Variants in AFAP1 observed in about 807,000 individuals in gnomAD.
AFAP1 encodes the protein actin filament-associated protein 1.
A neutral mutation model predicts 93.9 loss-of-function variants in AFAP1; 75 were observed. That is an observed-to-expected ratio of 0.80 (90% CI 0.66 to 0.97). The LOEUF (loss-of-function observed/expected upper bound fraction) is 0.97, where lower values mean the gene tolerates loss of function less well. AFAP1 is among the 50% of genes least tolerant of loss of function. The probability of loss-of-function intolerance (pLI) is 0.00; values close to 1 mark genes in which losing one functional copy is unlikely to be tolerated. For synonymous variants in AFAP1, 517 were observed against 430.7 expected (o/e 1.20, Z -2.48); for missense variants, 1,201 against 1,050.8 (o/e 1.14, Z -1.98).
chr4:7,798,948 T>C, intron 10 of AFAP1: 1 of 986,922 alleles, frequency 1.0e-6, no homozygotes, highest in Non-Finnish European at 1.2e-6. Flanking sequence ...TCAGATCTGC[T>C]GTCAGAGCTC....
chr4:7,817,488 G>A (rs1193274387), intron 7 of AFAP1, among the ~76,000 whole-genome samples: 5 of 152,174 alleles, frequency 3.3e-5, no homozygotes, highest in Non-Finnish European at 7.3e-5. Context: ...TTACTCAGGA[G>A]GCTGAGACAG....
rs148689835 is a variant in AFAP1 at position 7,793,803 on chromosome 4, G to A, written c.1290C>T (p.Gly430=). ...VLEASSSEDM[G]RWIGILLAET... ...CTGCGAGTAAAATCCCAATCCACCTGCCCATGTCTTCAGAAGAAGATGCCT... is the reference window on the plus strand; with the variant it reads ...CTGCGAGTAAAATCCCAATCCACCTACCCATGTCTTCAGAAGAAGATGCCT... Residue 430 remains glycine, a synonymous_variant, in exon 11 of 18, where the codon GGC becomes GGT. Coordinates refer to ENST00000420658, the MANE Select transcript of AFAP1 (RefSeq NM_001134647.2). The A allele has an allele frequency of 1.3e-6, 2 of 1,555,054 alleles. No homozygotes were observed. The highest frequency in any genetic ancestry group is 1.8e-6 in the Non-Finnish European group (2 of 1,135,940).
intron 1 of AFAP1, among the ~76,000 whole-genome samples, chr4:7,873,752 GTGTT>G (rs750833026): frequency 2.0e-5 from 3 of 152,180 alleles, no homozygotes; most frequent in African/African-American, 7.2e-5. Flanking sequence ...ACTCTTGTGA[GTGTT>G]TGAGTTCCAA....
intron 6 of AFAP1, among the ~76,000 whole-genome samples, chr4:7,825,998 C>T (rs1721385687): frequency 6.7e-6 from 1 of 149,784 alleles, no homozygotes; most frequent in Admixed American, 6.7e-5. Context: ...CCGTTCTGAG[C>T]AATGAAGATG....
intron 3 of AFAP1, among the ~76,000 whole-genome samples, chr4:7,856,431 CA>C (rs1359493920): frequency 6.6e-6 from 1 of 152,046 alleles, no homozygotes; most frequent in Non-Finnish European, 1.5e-5. Context: ...TTAGTAGAGA[CA>C]GGGTTTCACC....
chr4:7,807,060 C>A (rs1419554885), intron 9 of AFAP1, among the ~76,000 whole-genome samples: 1 of 152,194 alleles, frequency 6.6e-6, no homozygotes, highest in East Asian at 1.9e-4. Context: ...TGGCTCCGAG[C>A]AAGCCATACA....
intron 8 of AFAP1, among the ~76,000 whole-genome samples, chr4:7,814,021 T>A (rs1165406946): frequency 6.6e-6 from 1 of 152,092 alleles, no homozygotes; most frequent in East Asian, 1.9e-4. Context: ...GTGGGAACTC[T>A]CCCTCCACAG....
chr4:7,910,250 G>C (rs911761715), intron 1 of AFAP1, among the ~76,000 whole-genome samples: 14 of 152,066 alleles, frequency 9.2e-5, no homozygotes, highest in Non-Finnish European at 1.9e-4. Context: ...GGGAAAAGCA[G>C]TGCAATACAG....
chr4:7,771,966 C>T lies in AFAP1; in HGVS notation c.2253+854G>A, dbSNP rs758525927. 2.6e-4 allele frequency among the ~76,000 whole-genome samples: 39 copies of T among 152,150 alleles called. 1 individual carries two copies. Among genetic ancestry groups the T allele is most frequent in the Admixed American group, 1.3e-4 (2 of 15,278 alleles). On this transcript the variant is annotated intron_variant, in intron 16 of 17. Transcript: ENST00000420658. Reference sequence around the variant, plus strand: ...AGCAAGTGACTGAAACTCAGGGCTGCCGTCAACCCATAAATGTGTCAATCT... The same window carrying T: ...AGCAAGTGACTGAAACTCAGGGCTGTCGTCAACCCATAAATGTGTCAATCT...
intron 1 of AFAP1, among the ~76,000 whole-genome samples, chr4:7,873,135 G>A (rs537770549): frequency 2.5e-3 from 372 of 147,646 alleles, no homozygotes; most frequent in Admixed American, 4.5e-3. Context: ...CCCAGCTACT[G>A]AGGAGGCTGG....
At chr4:7,903,176 T>A (rs145468463) in intron 1 of AFAP1, among the ~76,000 whole-genome samples, 1 of 152,156 alleles carries the variant, frequency 6.6e-6, no homozygotes, top group African/African-American at 2.4e-5. Context: ...TTTCAGCCAA[T>A]TGATTCATTC....
At chr4:7,773,144 T>C (rs1194969100) in intron 15 of AFAP1, 134 bp from the exon 16 acceptor site, 125 of 1,373,750 alleles carry the variant, frequency 9.1e-5, no homozygotes, top group Non-Finnish European at 1.2e-4. Context: ...GTCCTCGTTG[T>C]GAAACTTAAA....
At chr4:7,775,005 G>T (rs986103156) in intron 14 of AFAP1, 102 bp from the exon 15 acceptor site, 4 of 1,374,210 alleles carry the variant, frequency 2.9e-6, no homozygotes, top group Non-Finnish European at 4.0e-6. Flanking sequence ...GCCAGGCATG[G>T]CGGCACATGC....
In AFAP1 at chr4:7,812,379, T is replaced by G. The variant is rs140015904; in HGVS notation, c.905-2616A>C. The stretch of plus-strand genomic sequence containing the variant: ...TTGACCGACAAAGTGCTTGCTCGAC[T>G]CTGACTGCAAAGAAATGAGATCATA... On this transcript the variant is annotated intron_variant, in intron 8 of 17. Transcript: ENST00000420658. Among the ~76,000 whole-genome samples the G allele has an allele frequency of 6.1e-4, 93 of 152,248 alleles. No homozygotes were observed. In the East Asian group the frequency reaches 0.014, roughly 23 times the overall value.
intron 5 of AFAP1, among the ~76,000 whole-genome samples, chr4:7,842,455 T>C (rs185037253): frequency 3.3e-5 from 5 of 151,762 alleles, no homozygotes; most frequent in Non-Finnish European, 5.9e-5. Flanking sequence ...GGCAAAAACA[T>C]ACTTTAAAGT....
At chr4:7,852,117 A>C (rs28861809) in intron 4 of AFAP1, among the ~76,000 whole-genome samples, 1 of 152,058 alleles carries the variant, frequency 6.6e-6, no homozygotes, top group Non-Finnish European at 1.5e-5. Flanking sequence ...GATACCTTGT[A>C]GGCTTGGGGG....
chr4:7,818,968 T>C, intron 7 of AFAP1, 108 bp downstream of exon 7: 1 of 1,104,904 alleles, frequency 9.1e-7, no homozygotes, highest in Non-Finnish European at 1.3e-6. Context: ...CACTTTTTCT[T>C]TTTTAACTGG....
intron 3 of AFAP1, among the ~76,000 whole-genome samples, chr4:7,858,313 T>C (rs899602811): frequency 4.6e-5 from 7 of 152,226 alleles, no homozygotes; most frequent in African/African-American, 1.7e-4. Context: ...TTCTGCATAG[T>C]TGTCATTTTA....
intron 3 of AFAP1, among the ~76,000 whole-genome samples, chr4:7,866,308 C>T (rs35933973): frequency 0.11 from 16,614 of 151,824 alleles, 1,124 homozygotes; most frequent in Non-Finnish European, 0.16. Context: ...GTGATCCTCC[C>T]ACCTCAGCCT....
Sources: allele counts gnomAD v4.1 joint callset (sites outside exome capture counted in the v4.1 genomes callset), GRCh38; gene constraint gnomAD v4.1.1; transcripts MANE v1.5; gene names NCBI Gene and HGNC (gene_info 2026-07-23, HGNC 2026-07-21).